Variants in SYT7 observed in about 807,000 individuals in gnomAD.
The protein encoded by SYT7 is synaptotagmin-7.
In SYT7, 29 loss-of-function variants were observed where a neutral mutation model predicts 75.1. The observed-to-expected ratio is 0.39, with a 90% CI of 0.29 to 0.53. The LOEUF is 0.53. Ranked by LOEUF, SYT7 falls within the 20% of genes least tolerant of loss-of-function variation. SYT7 has a pLI of 0.77. For missense variants in SYT7, 693 were observed against 953.2 expected (o/e 0.73, Z 3.59); for synonymous variants, 376 against 401.7 (o/e 0.94, Z 0.76).
chr11:61,550,350 G>A (rs1361224590), intron 3 of SYT7, among the ~76,000 whole-genome samples: 1 of 152,086 alleles, frequency 6.6e-6, no homozygotes, highest in Non-Finnish European at 1.5e-5. Context: ...GAGTGGAGAA[G>A]AGAAGGTGGA....
chr11:61,580,978 G>GGGGCCGCCCGCC lies in SYT7; in HGVS notation c.-170_-159dup. On this transcript the variant is annotated 5_prime_UTR_variant, in exon 1 of 13. Coordinates refer to ENST00000539008, the MANE Select transcript of SYT7 (RefSeq NM_001365809.2). The surrounding 1 kb of genome is among the most constrained non-coding windows in gnomAD (Gnocchi z 6.1). ...CACCTAGCCGCGGAGCCGGGGAGCGGGGGCCGCCCGCCAGCCCTCCCGCCC... is the reference window on the plus strand; with the variant it reads ...CACCTAGCCGCGGAGCCGGGGAGCGGGGGCCGCCCGCCGGGCCGCCCGCCAGCCCTCCCGCCC... 1 of 977,966 alleles carries GGGGCCGCCCGCC rather than the reference G, an allele frequency of 1.0e-6. No individual in the cohort carries two copies. Among genetic ancestry groups the GGGGCCGCCCGCC allele is most frequent in the Non-Finnish European group, 1.2e-6 (1 of 824,956 alleles). 60.6% of individuals were successfully genotyped at this position (977,966 alleles called of 1,614,324 possible).
chr11:61,580,460 G>A lies in SYT7; in HGVS notation c.31+330C>T, dbSNP rs955255197. The stretch of plus-strand genomic sequence containing the variant: ...GCTGGGGAGCCTCGGGTGCCTCTGA[G>A]GGCACTGCCCGGCTCCCACAGGGGC... On this transcript the variant is annotated intron_variant, in intron 1 of 12. Transcript: ENST00000539008. The surrounding 1 kb of genome is among the most constrained non-coding windows in gnomAD (Gnocchi z 6.1). Among the ~76,000 whole-genome samples, 1 of 152,064 alleles carries A rather than the reference G, an allele frequency of 6.6e-6. No individual in the cohort carries two copies. The highest frequency in any genetic ancestry group is 6.5e-5 in the Admixed American group (1 of 15,284).
At chr11:61,565,579 C>T (rs187408402) in intron 1 of SYT7, among the ~76,000 whole-genome samples, 1 of 152,292 alleles carries the variant, frequency 6.6e-6, no homozygotes, top group African/African-American at 2.4e-5. Flanking sequence ...AGAGGAAAAA[C>T]AAATTGAGAT....
At chr11:61,581,479 G>A (rs2064271845), upstream of SYT7, among the ~76,000 whole-genome samples, 1 of 152,250 alleles carries the variant, frequency 6.6e-6, no homozygotes, top group Non-Finnish European at 1.5e-5. Flanking sequence ...GATCCAAAAG[G>A]CGTGGAGATC....
chr11:61,551,302 T>C lies in SYT7; in HGVS notation c.215+82A>G. 4 of 1,311,842 alleles carry C rather than the reference T, an allele frequency of 3.0e-6. No homozygotes were observed. Among genetic ancestry groups the C allele is most frequent in the South Asian group, 1.2e-5 (1 of 82,840 alleles). 81.3% of individuals were successfully genotyped at this position (1,311,842 alleles called of 1,614,324 possible). ...GGAAGTGAAAGTGTGTGGTCAGGTC[T>C]GTGGGGCTGGGGGAGAGAAGGGGCT... is the stretch of plus-strand genomic sequence containing the variant. On this transcript the variant is annotated intron_variant, in intron 3 of 12. Transcript: ENST00000539008. The surrounding 1 kb of genome is among the most constrained non-coding windows in gnomAD (Gnocchi z 5.3).
chr11:61,543,244 G>C (rs1590881856), intron 5 of SYT7, among the ~76,000 whole-genome samples: 2 of 152,268 alleles, frequency 1.3e-5, no homozygotes, highest in East Asian at 3.9e-4. Context: ...TGTTTCCAAG[G>C]TCCAGCATCC....
intron 12 of SYT7, among the ~76,000 whole-genome samples, chr11:61,520,975 CAT>C (rs1189364380): frequency 5.9e-5 from 9 of 152,236 alleles, no homozygotes; most frequent in African/African-American, 2.2e-4. Context: ...TGGTGCATGT[CAT>C]GTGCTCAGCT....
intron 5 of SYT7, among the ~76,000 whole-genome samples, chr11:61,545,325 G>A (rs1172104079): frequency 1.3e-5 from 2 of 152,342 alleles, no homozygotes; most frequent in African/African-American, 4.8e-5. Context: ...GGCAAGTGAA[G>A]CTAGCTGGGG....
At chr11:61,581,254 G>T (rs1267034487), upstream of SYT7, 1 of 147,128 alleles carries the variant, frequency 6.8e-6, no homozygotes, top group East Asian at 2.0e-4. Flanking sequence ...GCCGCCGCCC[G>T]AAGCCGCCCC....
intron 1 of SYT7, among the ~76,000 whole-genome samples, chr11:61,572,115 T>TTG (rs1351519304): frequency 6.7e-6 from 1 of 148,744 alleles, no homozygotes; most frequent in East Asian, 1.9e-4. Flanking sequence ...AGGAATGAGG[T>TTG]TGGGGGGGGG....
At chr11:61,554,640 TGCAGGTACGCTCAGCCACTCCCCCA>T (rs2063444130) in intron 2 of SYT7, among the ~76,000 whole-genome samples, 1 of 152,162 alleles carries the variant, frequency 6.6e-6, no homozygotes, top group African/African-American at 2.4e-5. Flanking sequence ...TGCTCCGGGC[TGCAGGTACGCTCAGCCACTCCCCCA>T]GCCTCCGAGG....
At chr11:61,581,994 C>T (rs1414570560), upstream of SYT7, among the ~76,000 whole-genome samples, 1 of 152,032 alleles carries the variant, frequency 6.6e-6, no homozygotes, top group Non-Finnish European at 1.5e-5. Flanking sequence ...GACCTGTCTC[C>T]TAAGGATAAG....
intron 1 of SYT7, among the ~76,000 whole-genome samples, chr11:61,567,577 C>T (rs543143776): frequency 6.6e-6 from 1 of 152,320 alleles, no homozygotes; most frequent in Non-Finnish European, 1.5e-5. Flanking sequence ...CTCAAGAGCC[C>T]CCTTTCCTCG....
At chr11:61,587,931 C>T in the SYT7 span, among the ~76,000 whole-genome samples, 1 of 152,126 alleles carries the variant, frequency 6.6e-6, no homozygotes, top group Non-Finnish European at 1.5e-5. Flanking sequence ...GATGGGGGGG[C>T]GGGGGACATG....
chr11:61,570,017 G>A (rs948367562), intron 1 of SYT7, among the ~76,000 whole-genome samples: 11 of 152,230 alleles, frequency 7.2e-5, no homozygotes, highest in African/African-American at 1.9e-4. Context: ...CCACCCCCTC[G>A]AGTAGGCTGA....
At chr11:61,537,337 C>G (rs1455793500) in intron 7 of SYT7, among the ~76,000 whole-genome samples, 1 of 152,122 alleles carries the variant, frequency 6.6e-6, no homozygotes, top group East Asian at 1.9e-4. Flanking sequence ...GAGCAGCGCC[C>G]CACCCCCTCC....
In SYT7 at chr11:61,551,244, G is replaced by A; in HGVS notation, c.215+140C>T. The A allele has an allele frequency of 1.3e-6, 1 of 782,662 alleles. No individual in the cohort carries two copies. The highest frequency in any genetic ancestry group is 2.1e-6 in the Non-Finnish European group (1 of 485,348). The allele number at this position is 782,662 out of a possible 1,614,324, so 48.5% of individuals were successfully genotyped here. ...GCCCCTGAGTTTTTGGGGGTGTGTG[G>A]AGGGTGTAGAGAGCATGGCATCGGG... On this transcript the variant is annotated intron_variant, in intron 3 of 12. Transcript: ENST00000539008. The surrounding 1 kb of genome is among the most constrained non-coding windows in gnomAD (Gnocchi z 5.3).
intron 2 of SYT7, among the ~76,000 whole-genome samples, chr11:61,554,988 G>A (rs1203434731): frequency 1.3e-5 from 2 of 152,148 alleles, no homozygotes; most frequent in Non-Finnish European, 2.9e-5. Context: ...TTGGGTTCTG[G>A]GACTCTCAGG....
chr11:61,533,459 C>T (rs1205104445), intron 7 of SYT7: 28 of 985,286 alleles, frequency 2.8e-5, no homozygotes, highest in Admixed American at 6.1e-5. Context: ...TGGCCACTGC[C>T]CCCAGTCCTC....
Sources: gnomAD v4.1 joint callset for allele counts (sites outside exome capture counted in the v4.1 genomes callset) on GRCh38, gnomAD v4.1.1 for gene constraint, Gnocchi (gnomAD v3.1) non-coding constraint, MANE v1.5 for transcripts, NCBI Gene and HGNC (gene_info 2026-07-23, HGNC 2026-07-21) for gene names.